Variants in FNIP2 observed in about 807,000 individuals in gnomAD.
FNIP2 encodes folliculin interacting protein 2.
FNIP2 carries 32 observed loss-of-function variants against 108.7 expected under a neutral mutation model. The observed-to-expected ratio is 0.29, with a 90% CI of 0.22 to 0.40. The LOEUF is 0.40. Ranked by LOEUF, FNIP2 falls within the 10% of genes least tolerant of loss-of-function variation. FNIP2 has a pLI of 1.00. For missense variants in FNIP2, 1,202 were observed against 1,381.6 expected, an observed-to-expected ratio of 0.87 and a Z score of 2.06; for synonymous variants, 480 against 496.7, an observed-to-expected ratio of 0.97 and a Z score of 0.45.
Position 158,869,517 on chromosome 4 carries a change from T to C in FNIP2, c.2792+89T>C, listed in dbSNP as rs956854252. 4.9e-6 allele frequency: 7 copies of C among 1,424,926 alleles called. No individual in the cohort carries two copies. In the Admixed American group the frequency reaches 1.1e-4, roughly 22 times the overall value. 88.3% of individuals were successfully genotyped at this position (1,424,926 alleles called of 1,614,324 possible). A position where few individuals can be genotyped will look rare whatever the true frequency, so the allele number is the denominator to read the frequency against. The stretch of plus-strand genomic sequence containing the variant: ...CCTGTGATGTTGTTAGCCACTACTA[T>C]TGTCTGCTTTACACACAGTATCTTT... On this transcript the variant is annotated intron_variant, in intron 13 of 16. Coordinates refer to ENST00000264433, the MANE Select transcript of FNIP2 (RefSeq NM_020840.3).
chr4:158,839,897 A>G (rs953480764), intron 7 of FNIP2, among the ~76,000 whole-genome samples: 11 of 152,372 alleles, frequency 7.2e-5, no homozygotes, highest in Middle Eastern at 3.4e-3. Context: ...TGGAAAAAGC[A>G]GCACAAGCTG....
Position 158,840,846 on chromosome 4 carries a change from T to C in FNIP2, c.727+5370T>C, listed in dbSNP as rs192010474. On this transcript the variant is annotated intron_variant, in intron 7 of 16. Transcript: ENST00000264433. ...GTGTTCACATCATTGATAAGAAAAATACTTTTTCCATTCTGTCTGCAACTG... is the reference window on the plus strand; with the variant it reads ...GTGTTCACATCATTGATAAGAAAAACACTTTTTCCATTCTGTCTGCAACTG... Among the ~76,000 whole-genome samples the C allele has an allele frequency of 3.3e-5, 5 of 152,320 alleles. No homozygotes were observed. In the East Asian group the frequency reaches 9.6e-4, roughly 29 times the overall value.
chr4:158,850,958 AG>A (rs1779665980), intron 7 of FNIP2, among the ~76,000 whole-genome samples: 1 of 152,178 alleles, frequency 6.6e-6, no homozygotes, highest in South Asian at 2.1e-4. Flanking sequence ...TCCTTTTTAA[AG>A]GATGTTTTCT....
chr4:158,800,517 G>A (rs1374316502), intron 1 of FNIP2, among the ~76,000 whole-genome samples: 14 of 152,216 alleles, frequency 9.2e-5, no homozygotes, highest in Non-Finnish European at 1.9e-4. Flanking sequence ...AAAGCTTGCA[G>A]AATTATTACA....
chr4:158,870,213 A>G (rs563988341), intron 13 of FNIP2, 100 bp from the exon 14 acceptor site: 50 of 1,319,398 alleles, frequency 3.8e-5, no homozygotes, highest in East Asian at 1.6e-4. Flanking sequence ...CCCTGAATCT[A>G]TTTTATTTAC....
intron 1 of FNIP2, among the ~76,000 whole-genome samples, chr4:158,769,709 C>T (rs1775629547): frequency 6.6e-6 from 1 of 152,202 alleles, no homozygotes; most frequent in Non-Finnish European, 1.5e-5. Flanking sequence ...TTGAGGGCAG[C>T]TCCAACCTAT....
chr4:158,890,112 A>G (rs1200586874), intron 14 of FNIP2: 8 of 985,228 alleles, frequency 8.1e-6, no homozygotes, highest in Non-Finnish European at 9.6e-6. Context: ...ACTGGGCTTT[A>G]TGAATTCAAA....
In FNIP2 at chr4:158,861,425, A is replaced by G. The variant is rs1560809357; in HGVS notation, c.1232A>G (p.Asn411Ser). ...ATGATGTCCGGCACTTTGGAAAAAA[A>G]CCAGCTCTGCCAGCGCTTTCTCAAG... is the stretch of plus-strand genomic sequence containing the variant. ...LTMMSGTLEK[N>S]QLCQRFLKEF... Residue 411 changes from asparagine to serine, a missense_variant, in exon 11 of 17, where the codon AAC (asparagine) becomes AGC (serine). Physicochemically the swap from Asn to Ser is conservative, Grantham distance 46. Around this residue, in one of 5 missense-constraint regions of FNIP2, gnomAD observed 878 missense variants for 990.3 expected, o/e 0.89. Coordinates refer to ENST00000264433, the MANE Select transcript of FNIP2 (RefSeq NM_020840.3). 1 of 1,614,038 alleles carries G rather than the reference A, an allele frequency of 6.2e-7. No homozygotes were observed. The highest frequency in any genetic ancestry group is 1.6e-4 in the Middle Eastern group (1 of 6,062).
At chr4:158,832,165 C>A (rs762199565) in intron 5 of FNIP2, 27 bp downstream of exon 5, 3 of 1,568,862 alleles carry the variant, frequency 1.9e-6, no homozygotes, top group African/African-American at 2.7e-5. Flanking sequence ...GCATTCCCCA[C>A]CCCCATTTTT....
chr4:158,898,700 G>T (rs911825486), intron 16 of FNIP2, among the ~76,000 whole-genome samples: 1 of 152,206 alleles, frequency 6.6e-6, no homozygotes, highest in African/African-American at 2.4e-5. Flanking sequence ...CTGAGACTTT[G>T]CTGAAGTTGC....
intron 6 of FNIP2, 123 bp downstream of exon 6, chr4:158,833,751 T>C (rs1282640485): frequency 3.4e-6 from 5 of 1,480,336 alleles, no homozygotes; most frequent in Middle Eastern, 1.7e-4. Context: ...GTGTTTATTT[T>C]TTTTGTATGT....
At chr4:158,805,282 T>C (rs1560764499) in intron 1 of FNIP2, among the ~76,000 whole-genome samples, 1 of 152,242 alleles carries the variant, frequency 6.6e-6, no homozygotes, top group Non-Finnish European at 1.5e-5. Flanking sequence ...CTTGTAGTTT[T>C]GTATGTAAAG....
intron 16 of FNIP2, among the ~76,000 whole-genome samples, chr4:158,900,359 G>T (rs1293753171): frequency 6.6e-6 from 1 of 152,014 alleles, no homozygotes; most frequent in Non-Finnish European, 1.5e-5. Flanking sequence ...TATTAGGTCT[G>T]CTTGGTCCAG....
intron 7 of FNIP2, among the ~76,000 whole-genome samples, chr4:158,850,180 G>T (rs1288924950): frequency 3.3e-5 from 5 of 152,312 alleles, no homozygotes; most frequent in East Asian, 1.9e-4. Context: ...GCTTTATCAA[G>T]TGATATTCAT....
At chr4:158,829,291 G>GA in intron 3 of FNIP2, 66 bp downstream of exon 3, 1 of 1,388,792 alleles carries the variant, frequency 7.2e-7, no homozygotes, top group Non-Finnish European at 9.7e-7. Context: ...TTTCTCCTTG[G>GA]GAAATAATGC....
intron 1 of FNIP2, among the ~76,000 whole-genome samples, chr4:158,807,501 G>A (rs534975006): frequency 5.9e-5 from 9 of 151,952 alleles, no homozygotes; most frequent in East Asian, 1.9e-4. Context: ...AGACTCTGTC[G>A]CTTTAAAAAT....
At chr4:158,818,928 G>C (rs771777661) in intron 1 of FNIP2, among the ~76,000 whole-genome samples, 2 of 152,142 alleles carry the variant, frequency 1.3e-5, no homozygotes, top group Admixed American at 6.5e-5. Flanking sequence ...ATCCTAATCC[G>C]TGTCCCAAGC....
Position 158,832,020 on chromosome 4 carries a change from T to C in FNIP2, c.483-47T>C, listed in dbSNP as rs1283896461. ...GAAGTGGAACGGTGGTATTGACTCC[T>C]TAACTCATAAATTTATTTTTCCCCT... On this transcript the variant is annotated intron_variant, in intron 4 of 16. Transcript: ENST00000264433. 3 of 1,602,796 alleles carry C rather than the reference T, an allele frequency of 1.9e-6. No homozygotes were observed. In the African/African-American group the frequency reaches 4.0e-5, roughly 21 times the overall value.
At chr4:158,824,101 C>A (rs768868699) in intron 1 of FNIP2, among the ~76,000 whole-genome samples, 1 of 152,158 alleles carries the variant, frequency 6.6e-6, no homozygotes, top group African/African-American at 2.4e-5. Flanking sequence ...ACCAAAAATG[C>A]ACAATTTGTG....
Sources: allele counts gnomAD v4.1 joint callset (sites outside exome capture counted in the v4.1 genomes callset), GRCh38; gene constraint gnomAD v4.1.1; regional missense constraint gnomAD v4.1.1; transcripts MANE v1.5; gene names NCBI Gene and HGNC (gene_info 2026-07-23, HGNC 2026-07-21).